The following DMD variants were observed in gnomAD, a reference collection of about 807,000 sequenced individuals.
DMD encodes dystrophin.
Under a neutral mutation model 330.1 loss-of-function variants are expected in DMD, and 63 were observed. The observed-to-expected ratio is 0.19, with a 90% confidence interval of 0.16 to 0.24. The LOEUF is 0.24. Ranked by LOEUF, DMD falls within the 10% of genes least tolerant of loss-of-function variation. The probability of loss-of-function intolerance (pLI) is 1.00; values close to 1 mark genes in which losing one functional copy is unlikely to be tolerated. For missense variants in DMD, 3,344 were observed against 2,684.1 expected (o/e 1.25, Z -5.43); for synonymous variants, 1,223 against 959.8 (o/e 1.27, Z -5.07).
intron 54 of DMD, among the ~76,000 whole-genome samples, chrX:31,647,671 C>A (rs2080182743): frequency 8.9e-6 from 1 of 112,005 alleles, no homozygotes; most frequent in Non-Finnish European, 1.9e-5. Context: ...GGCAATCCAT[C>A]AGTAATTGTA....
intron 52 of DMD, among the ~76,000 whole-genome samples, chrX:31,702,879 G>C (rs776166645): frequency 2.0e-3 from 207 of 104,017 alleles, no homozygotes; most frequent in African/African-American, 6.7e-3. Flanking sequence ...TTTTAATAGG[G>C]AGTCTCCCTC....
chrX:33,272,703 A>G (rs1395894529), intron 1 of DMD, among the ~76,000 whole-genome samples: 1 of 109,505 alleles, frequency 9.1e-6, no homozygotes, highest in Non-Finnish European at 1.9e-5. Context: ...AAAATGACGC[A>G]GATTGTAATT....
chrX:31,627,985 T>G, intron 54 of DMD, 123 bp from the exon 55 acceptor site: 1 of 641,579 alleles, frequency 1.6e-6, no homozygotes, highest in East Asian at 3.5e-5. Context: ...GGTGAGTTGT[T>G]GCTACAGCTC....
At chrX:31,672,591 T>C (rs1229589019) in intron 53 of DMD, among the ~76,000 whole-genome samples, 7 of 112,338 alleles carry the variant, frequency 6.2e-5, no homozygotes, top group Non-Finnish European at 5.6e-5. Context: ...ATATTTTTTC[T>C]TTCTTTTCTT....
chrX:32,743,697 T>C (rs1161918674), intron 7 of DMD, among the ~76,000 whole-genome samples: 1 of 110,958 alleles, frequency 9.0e-6, no homozygotes, highest in Non-Finnish European at 1.9e-5. Context: ...GGAAGTTCTA[T>C]TTTGCTCTCA....
intron 18 of DMD, 148 bp from the exon 19 acceptor site, chrX:32,501,990 TG>T: frequency 2.1e-6 from 1 of 472,090 alleles, no homozygotes; most frequent in South Asian, 3.5e-5. Context: ...TCAACACTTT[TG>T]CCATCAAAAA....
chrX:32,536,356 G>A (rs757935719), intron 17 of DMD, among the ~76,000 whole-genome samples: 5 of 109,772 alleles, frequency 4.6e-5, no homozygotes, highest in Non-Finnish European at 7.6e-5. Flanking sequence ...TTAGTAGCAC[G>A]GTGGCAGGTA....
intron 41 of DMD, among the ~76,000 whole-genome samples, chrX:32,337,164 T>G (rs1228193452): frequency 9.0e-6 from 1 of 111,171 alleles, no homozygotes; most frequent in Non-Finnish European, 1.9e-5. Context: ...TTTGATGCAT[T>G]TTGCAGGTAT....
rs200718695 is a variant in DMD at position 32,464,736 on chromosome X, C to G, written c.3163-37G>C. On this transcript the variant is annotated intron_variant, in intron 23 of 78. Coordinates refer to ENST00000357033, the MANE Select transcript of DMD (RefSeq NM_004006.3). ...CCCGTTATAAGGCATTACTGGTGTGCTGATTACTTTTAACACAATTCATCA... is the reference window on the plus strand; with the variant it reads ...CCCGTTATAAGGCATTACTGGTGTGGTGATTACTTTTAACACAATTCATCA... 4.5e-5 allele frequency: 43 copies of G among 961,746 alleles called. No homozygotes were observed. In the East Asian group the frequency reaches 1.2e-3, roughly 27 times the overall value. 79.3% of individuals were successfully genotyped at this position (961,746 alleles called of 1,213,427 possible).
intron 55 of DMD, among the ~76,000 whole-genome samples, chrX:31,594,717 ATCATAT>A (rs1232213916): frequency 3.6e-5 from 4 of 110,986 alleles, no homozygotes; most frequent in Non-Finnish European, 5.7e-5. Flanking sequence ...GCTGTGCCTT[ATCATAT>A]AAAGACAAAA....
intron 62 of DMD, among the ~76,000 whole-genome samples, chrX:31,290,803 C>CA (rs2053633592): frequency 8.9e-6 from 1 of 111,733 alleles, no homozygotes; most frequent in Admixed American, 9.5e-5. Flanking sequence ...AACAAACAAA[C>CA]AAAAAATCCA....
chrX:32,363,305 C>T (rs929160700), intron 36 of DMD, among the ~76,000 whole-genome samples: 1 of 111,768 alleles, frequency 8.9e-6, no homozygotes, highest in African/African-American at 3.3e-5. Context: ...TCTATTTAGT[C>T]TTATTTTATT....
chrX:32,587,151 C>T (rs2054384223), intron 13 of DMD, among the ~76,000 whole-genome samples: 1 of 111,811 alleles, frequency 8.9e-6, no homozygotes, highest in African/African-American at 3.2e-5. Context: ...AGTTACCTAA[C>T]TGACATTTAG....
chrX:31,396,216 C>T (rs1161111330), intron 60 of DMD, among the ~76,000 whole-genome samples: 1 of 106,984 alleles, frequency 9.3e-6, no homozygotes, highest in Non-Finnish European at 1.9e-5. Context: ...CGGCTCACTG[C>T]AAGCTCCGCC....
intron 1 of DMD, among the ~76,000 whole-genome samples, chrX:33,248,677 G>T (rs1325197562): frequency 9.0e-6 from 1 of 111,660 alleles, no homozygotes; most frequent in East Asian, 2.8e-4. Context: ...AATTACCAGA[G>T]GAAGAGAAAA....
At chrX:31,706,968 A>G (rs1434542152) in intron 52 of DMD, among the ~76,000 whole-genome samples, 1 of 112,171 alleles carries the variant, frequency 8.9e-6, no homozygotes, top group Non-Finnish European at 1.9e-5. Flanking sequence ...TCAGAACAGA[A>G]TTAGCATAGT....
intron 59 of DMD, among the ~76,000 whole-genome samples, chrX:31,456,142 GA>G: frequency 9.0e-6 from 1 of 111,227 alleles, no homozygotes; most frequent in Middle Eastern, 4.2e-3. Context: ...ATAATGATAT[GA>G]ACTAAGAAGT....
intron 44 of DMD, among the ~76,000 whole-genome samples, chrX:32,021,472 C>T (rs1293879): frequency 0.14 from 15,476 of 111,161 alleles, 885 homozygotes; most frequent in East Asian, 0.28. Flanking sequence ...ACATAGGGAG[C>T]TTCTCCCAAA....
intron 51 of DMD, among the ~76,000 whole-genome samples, chrX:31,744,570 C>G (rs1416785372): frequency 8.9e-6 from 1 of 112,342 alleles, no homozygotes; most frequent in African/African-American, 3.2e-5. Context: ...GACGAATTCT[C>G]TTGTCCCTAT....
Sources: allele counts gnomAD v4.1 joint callset (sites outside exome capture counted in the v4.1 genomes callset), GRCh38; gene constraint gnomAD v4.1.1; transcripts MANE v1.5; gene names NCBI Gene and HGNC (gene_info 2026-07-23, HGNC 2026-07-21).